Variants in MAP3K19 observed in about 807,000 individuals in gnomAD.
MAP3K19 encodes mitogen-activated protein kinase kinase kinase 19, also known as SPS1/STE20-related protein kinase YSK4.
In MAP3K19, 91 loss-of-function variants were observed where a neutral mutation model predicts 114.4. The ratio of observed to expected loss-of-function variants is 0.80; its 90% CI spans 0.67 to 0.95. The LOEUF is 0.95. MAP3K19 is among the 40% of genes least tolerant of loss of function. The pLI, the probability that MAP3K19 is intolerant of heterozygous loss-of-function variation, is 0.00. For synonymous variants in MAP3K19, 518 were observed against 530.5 expected, an observed-to-expected ratio of 0.98 and a Z score of 0.32; for missense variants, 1,471 against 1,573.2, an observed-to-expected ratio of 0.94 and a Z score of 1.10.
chr2:135,038,050 C>T (rs1409375722), intron 2 of MAP3K19, among the ~76,000 whole-genome samples: 1 of 151,860 alleles, frequency 6.6e-6, no homozygotes, highest in Non-Finnish European at 1.5e-5. Flanking sequence ...AGTGAAAGGG[C>T]CTGAGAGAGG....
intron 3 of MAP3K19, among the ~76,000 whole-genome samples, chr2:135,028,237 C>T (rs1366050606): frequency 6.6e-6 from 1 of 152,086 alleles, no homozygotes; most frequent in Non-Finnish European, 1.5e-5. Context: ...TAAACATTCA[C>T]TGAATGAATA....
chr2:134,975,864 G>A (rs773740514), intron 12 of MAP3K19, among the ~76,000 whole-genome samples: 4 of 152,228 alleles, frequency 2.6e-5, no homozygotes, highest in Non-Finnish European at 5.9e-5. Context: ...CAGCAGCAGA[G>A]TCTGTCCTCA....
intron 2 of MAP3K19, among the ~76,000 whole-genome samples, chr2:135,038,312 T>C (rs1275509531): frequency 6.6e-6 from 1 of 151,936 alleles, no homozygotes; most frequent in East Asian, 1.9e-4. Context: ...TTTATGTATG[T>C]ATGTATATAT....
At chr2:135,033,733 TG>T in intron 2 of MAP3K19, among the ~76,000 whole-genome samples, 1 of 98,274 alleles carries the variant, frequency 1.0e-5, no homozygotes, top group Non-Finnish European at 1.9e-5. Flanking sequence ...ACGGGGTGGC[TG>T]GCCGGGCAGA....
chr2:134,986,466 A>G lies in MAP3K19; in HGVS notation c.2406T>C (p.Pro802=). The G allele has an allele frequency of 3.1e-6, 5 of 1,614,138 alleles. No individual in the cohort carries two copies. Among genetic ancestry groups the G allele is most frequent in the Non-Finnish European group, 4.2e-6 (5 of 1,180,018 alleles). Residue 802 remains proline, a synonymous_variant, in exon 10 of 13, where the codon CCT becomes CCC. Coordinates refer to ENST00000392915, the MANE Select transcript of MAP3K19 (RefSeq NM_025052.5). ...PEQSMKQNEF[P]PVSDLSIVEE... is the part of the protein sequence containing the mutation. ...CAACAATGGATAAATCTGAGACAGG[A>G]GGGAATTCATTCTGTTTCATGGACT...
At chr2:135,030,148 C>T (rs1308910028) in intron 3 of MAP3K19, among the ~76,000 whole-genome samples, 164 bp downstream of exon 3, 8 of 152,200 alleles carry the variant, frequency 5.3e-5, no homozygotes. Flanking sequence ...GTTTTCCACC[C>T]CAGTGTCCTG....
chr2:135,043,612 C>T (rs1002079056), intron 1 of MAP3K19, among the ~76,000 whole-genome samples: 1 of 152,200 alleles, frequency 6.6e-6, no homozygotes, highest in Non-Finnish European at 1.5e-5. Context: ...ACAGTATTAT[C>T]ACCCAAAGTC....
chr2:134,986,522 G>A lies in MAP3K19; in HGVS notation c.2350C>T (p.His784Tyr). 4.3e-6 allele frequency: 7 copies of A among 1,614,086 alleles called. No individual in the cohort carries two copies. Among genetic ancestry groups the A allele is most frequent in the African/African-American group, 2.7e-5 (2 of 75,042 alleles). Reference sequence around the variant, plus strand: ...GGTGTCTGAGCCAAGTTCATGGGATGAATTTCATCTTTGGAAGATAGAAAC... The same window carrying A: ...GGTGTCTGAGCCAAGTTCATGGGATAAATTTCATCTTTGGAAGATAGAAAC... ...NEFLSSKDEI[H>Y]PMNLAQTPEQ... Residue 784 changes from histidine (H) to tyrosine (Y), a missense_variant, in exon 10 of 13, where the codon CAT (histidine) becomes TAT (tyrosine). His to Tyr is a moderately conservative substitution (Grantham distance 83). Transcript: ENST00000392915.
At position 134,987,405 on chromosome 2, in the gene MAP3K19, G is replaced by A. The variant is rs749450209; in HGVS notation, c.1467C>T (p.Phe489=). The A allele has an allele frequency of 1.4e-5, 23 of 1,614,174 alleles. No individual in the cohort carries two copies. Among genetic ancestry groups the A allele is most frequent in the Non-Finnish European group, 1.9e-5 (22 of 1,180,022 alleles). ...SRMVPLIHIT[F]PVDGSPKEPV... ...GTTCCTTGGGGCTTCCATCCACAGG[G>A]AAGGTGATGTGGATAAGAGGCACCA... Residue 489 remains phenylalanine (F), a synonymous_variant, in exon 10 of 13, where the codon TTC becomes TTT. Transcript: ENST00000392915.
rs1012267554 is a variant in MAP3K19, at chr2:135,002,412, C to T, written c.236-2397G>A. ...GAAAAGCCTTACTTTCCTGTTTGGT[C>T]TCCTTATTTTATTTTATTTTATTTT... is the stretch of plus-strand genomic sequence containing the variant. On this transcript the variant is annotated intron_variant, in intron 6 of 12. Coordinates refer to ENST00000392915, the MANE Select transcript of MAP3K19 (RefSeq NM_025052.5). Among the ~76,000 whole-genome samples, 3 of 143,444 alleles carry T rather than the reference C, an allele frequency of 2.1e-5. No homozygotes were observed. The East Asian group carries it at 6.1e-4, about 29-fold the overall frequency. 94.1% of individuals were successfully genotyped at this position (143,444 alleles called of 152,430 possible). A position where few individuals can be genotyped will look rare whatever the true frequency, so the allele number is the denominator to read the frequency against.
intron 3 of MAP3K19, among the ~76,000 whole-genome samples, chr2:135,027,347 AAGAG>A (rs1404778323): frequency 1.5e-4 from 20 of 137,112 alleles, no homozygotes; most frequent in South Asian, 9.5e-4. Context: ...GAAAGAAAGA[AAGAG>A]AGAAAGAAAG....
chr2:134,971,206 T>C (rs918817127), intron 12 of MAP3K19, among the ~76,000 whole-genome samples: 1 of 152,250 alleles, frequency 6.6e-6, no homozygotes, highest in African/African-American at 2.4e-5. Flanking sequence ...TCTGTTAATG[T>C]GATGTATCAT....
chr2:135,039,128 T>C (rs940266313), intron 2 of MAP3K19, among the ~76,000 whole-genome samples: 10 of 95,642 alleles, frequency 1.0e-4, no homozygotes, highest in African/African-American at 7.1e-4. Flanking sequence ...TCTTTCTTTT[T>C]TTTTTTTTTT....
chr2:134,982,442 C>T (rs1349484504), intron 11 of MAP3K19, among the ~76,000 whole-genome samples: 1 of 151,232 alleles, frequency 6.6e-6, no homozygotes, highest in South Asian at 2.1e-4. Flanking sequence ...ACCTCTGCCC[C>T]GGGGTTCAAG....
chr2:134,967,597 G>A (rs909785604), intron 12 of MAP3K19, among the ~76,000 whole-genome samples: 2 of 152,236 alleles, frequency 1.3e-5, no homozygotes, highest in East Asian at 1.9e-4. Context: ...CTTGCTTAGA[G>A]ACACGTCCAG....
chr2:135,005,308 C>G (rs1686735415), intron 6 of MAP3K19, 127 bp downstream of exon 6: 8 of 681,886 alleles, frequency 1.2e-5, no homozygotes, highest in South Asian at 1.1e-4. Context: ...CTCCTCCACT[C>G]CCTCTACCCT....
intron 11 of MAP3K19, among the ~76,000 whole-genome samples, chr2:134,982,564 A>G (rs1251520017): frequency 6.6e-6 from 1 of 151,670 alleles, no homozygotes. Context: ...TGGCCAGTCT[A>G]GTCTCGAACT....
chr2:135,022,250 T>C (rs1057501864), intron 4 of MAP3K19, among the ~76,000 whole-genome samples: 11 of 152,204 alleles, frequency 7.2e-5, no homozygotes, highest in African/African-American at 2.4e-4. Context: ...AGTCACTTCA[T>C]ACTTAATGTC....
At chr2:135,011,839 C>T (rs1275939877) in intron 5 of MAP3K19, among the ~76,000 whole-genome samples, 1 of 151,986 alleles carries the variant, frequency 6.6e-6, no homozygotes, top group African/African-American at 2.4e-5. Context: ...CATGCCACCA[C>T]ACCTGGCTGA....
Sources: gnomAD v4.1 joint callset for allele counts (sites outside exome capture counted in the v4.1 genomes callset) on GRCh38, gnomAD v4.1.1 for gene constraint, MANE v1.5 for transcripts, NCBI Gene and HGNC (gene_info 2026-07-23, HGNC 2026-07-21) for gene names.